Variants in ESR1 observed in about 807,000 individuals in gnomAD.
The protein encoded by ESR1 is estrogen receptor.
In ESR1, 12 loss-of-function variants were observed where a neutral mutation model predicts 52.7. The ratio of observed to expected loss-of-function variants is 0.23; its 90% CI spans 0.15 to 0.37. The LOEUF is 0.37. ESR1 is among the 10% of genes least tolerant of loss of function. The pLI, the probability that ESR1 is intolerant of heterozygous loss-of-function variation, is 1.00. For synonymous variants in ESR1, 305 were observed against 316.8 expected, an observed-to-expected ratio of 0.96 and a Z score of 0.39; for missense variants, 584 against 779.7, an observed-to-expected ratio of 0.75 and a Z score of 2.99.
intron 4 of ESR1, among the ~76,000 whole-genome samples, chr6:151,964,262 G>T (rs920851725): frequency 6.6e-6 from 1 of 152,078 alleles, no homozygotes; most frequent in Non-Finnish European, 1.5e-5. Flanking sequence ...ACTTTGGATA[G>T]CATAGATTTT....
intron 1 of ESR1, among the ~76,000 whole-genome samples, chr6:151,815,919 T>C (rs138769171): frequency 2.0e-5 from 3 of 152,184 alleles, no homozygotes; most frequent in Non-Finnish European, 2.9e-5. Flanking sequence ...TCCCTGTTGA[T>C]GATTTTGCTG....
chr6:152,126,073 G>A (rs2053315464), exon 7 of ESR1: 1 of 152,194 alleles, frequency 6.6e-6, no homozygotes, highest in South Asian at 2.1e-4. Flanking sequence ...CAGCATCAGA[G>A]CATTTTTTAT....
chr6:152,030,652 C>A (rs2044609288), intron 5 of ESR1, among the ~76,000 whole-genome samples: 1 of 152,238 alleles, frequency 6.6e-6, no homozygotes, highest in South Asian at 2.1e-4. Context: ...TCCTTAGTGA[C>A]CTACAAAGAG....
chr6:151,836,894 T>A (rs1783424042), intron 1 of ESR1, among the ~76,000 whole-genome samples: 1 of 152,190 alleles, frequency 6.6e-6, no homozygotes, highest in East Asian at 1.9e-4. Context: ...AACCAAGGCT[T>A]CTTAAATTTT....
intron 4 of ESR1, among the ~76,000 whole-genome samples, chr6:151,947,579 A>G (rs1326506274): frequency 6.6e-6 from 1 of 152,134 alleles, no homozygotes; most frequent in Admixed American, 6.5e-5. Flanking sequence ...TTAACAGAAT[A>G]TTGTCAGAAT....
intron 6 of ESR1, among the ~76,000 whole-genome samples, chr6:152,119,535 G>C (rs1585283236): frequency 1.3e-5 from 2 of 152,138 alleles, no homozygotes; most frequent in East Asian, 3.8e-4. Context: ...TTACCACCAT[G>C]TTATTAACCC....
chr6:152,076,707 A>G (rs1400504216), intron 6 of ESR1, among the ~76,000 whole-genome samples: 1 of 152,188 alleles, frequency 6.6e-6, no homozygotes, highest in African/African-American at 2.4e-5. Flanking sequence ...GAAGTGGAGC[A>G]AAGGTGACTC....
At position 151,777,419 on chromosome 6, in the gene ESR1, T is replaced by C. The variant is rs1413208246; in HGVS notation, c.-70-30424T>C. Among the ~76,000 whole-genome samples the C allele has an allele frequency of 2.0e-5, 3 of 152,180 alleles. No individual in the cohort carries two copies. The East Asian group carries it at 5.8e-4, about 29-fold the overall frequency. On this transcript the variant is annotated intron_variant, in intron 2 of 2. Coordinates refer to the ESR1 transcript ENST00000404742. ...CAGGTGTGAGCCACCGCACCTGGCCTATTTTCTATTTTTTAACCAGTCCCA... is the reference window on the plus strand; with the variant it reads ...CAGGTGTGAGCCACCGCACCTGGCCCATTTTCTATTTTTTAACCAGTCCCA...
chr6:151,802,537 G>A (rs57977903), upstream of ESR1, among the ~76,000 whole-genome samples: 441 of 152,282 alleles, frequency 2.9e-3, 6 homozygotes, highest in East Asian at 0.027. Flanking sequence ...AGCTATGTTT[G>A]GTCATAGTAT....
chr6:151,846,371 G>A (rs933322613), intron 2 of ESR1, among the ~76,000 whole-genome samples: 1 of 152,176 alleles, frequency 6.6e-6, no homozygotes, highest in Non-Finnish European at 1.5e-5. Context: ...ACCACAACAA[G>A]TTTAAGGGTT....
rs554725227 is a variant in ESR1, at chr6:151,912,482, A to G, written c.761-31691A>G. 3.3e-5 allele frequency among the ~76,000 whole-genome samples: 5 copies of G among 152,296 alleles called. No individual in the cohort carries two copies. The South Asian group carries it at 1.0e-3, about 32-fold the overall frequency. Reference sequence around the variant, plus strand: ...TCTCCTTTGCAATCCATATTGTTTTATGGAACAGGTGAACAGCTGGTGACA... The same window carrying G: ...TCTCCTTTGCAATCCATATTGTTTTGTGGAACAGGTGAACAGCTGGTGACA... On this transcript the variant is annotated intron_variant, in intron 3 of 7. Transcript: ENST00000206249.
rs149855024 is a variant in ESR1 at position 152,012,052 on chromosome 6, A to ACT, written c.1235+277_1235+278dup. Among the ~76,000 whole-genome samples the ACT allele has an allele frequency of 0.1, 15,001 of 143,282 alleles. 737 individuals carry two copies. The highest frequency in any genetic ancestry group is 0.13 in the Middle Eastern group (37 of 278). 94.0% of individuals were successfully genotyped at this position (143,282 alleles called of 152,430 possible). On this transcript the variant is annotated intron_variant, in intron 5 of 7. Transcript: ENST00000206249. Reference sequence around the variant, plus strand: ...CACACACACACACACACACACTCACACTCTCTCTCTCTCTCTCTCTGTCAT... The same window carrying ACT: ...CACACACACACACACACACACTCACACTCTCTCTCTCTCTCTCTCTCTGTCAT...
At chr6:151,661,406 G>A (rs1225048480) in intron 1 of ESR1, among the ~76,000 whole-genome samples, 3 of 152,232 alleles carry the variant, frequency 2.0e-5, no homozygotes, top group African/African-American at 7.2e-5. Flanking sequence ...ATCTCCTGGT[G>A]AGGGGTGGCT....
chr6:152,112,158 A>G (rs1047877125), intron 6 of ESR1, among the ~76,000 whole-genome samples: 1 of 152,222 alleles, frequency 6.6e-6, no homozygotes, highest in African/African-American at 2.4e-5. Flanking sequence ...GGCAGCAGAA[A>G]GACCTGAACC....
At chr6:151,759,163 T>G (rs1251177419) in intron 2 of ESR1, among the ~76,000 whole-genome samples, 1 of 148,076 alleles carries the variant, frequency 6.8e-6, no homozygotes, top group African/African-American at 2.5e-5. Flanking sequence ...TAGTCCCAGC[T>G]ACTCAAGAGG....
intron 6 of ESR1, among the ~76,000 whole-genome samples, chr6:152,078,181 C>T (rs74726355): frequency 7.9e-4 from 121 of 152,300 alleles, no homozygotes; most frequent in Middle Eastern, 6.8e-3. Context: ...GTAAGTCTCA[C>T]GAGATCTCAT....
chr6:151,802,845 G>A (rs1014250773), upstream of ESR1, among the ~76,000 whole-genome samples: 2 of 152,028 alleles, frequency 1.3e-5, no homozygotes, highest in Non-Finnish European at 2.9e-5. Context: ...AAAAAAATTA[G>A]CTGGGTGTGG....
intron 3 of ESR1, among the ~76,000 whole-genome samples, chr6:151,881,840 G>A (rs1026141560): frequency 1.3e-5 from 2 of 151,478 alleles, no homozygotes; most frequent in African/African-American, 2.4e-5. Flanking sequence ...CTGAGATGGC[G>A]CCACTGCACT....
chr6:151,681,285 G>A (rs913202250), intron 1 of ESR1, among the ~76,000 whole-genome samples: 21 of 152,156 alleles, frequency 1.4e-4, no homozygotes, highest in Admixed American at 5.9e-4. Flanking sequence ...TGTTTCTGGG[G>A]TTGCGCTGGA....
Sources: gnomAD v4.1 joint callset for allele counts (sites outside exome capture counted in the v4.1 genomes callset) on GRCh38, gnomAD v4.1.1 for gene constraint, MANE v1.5 for transcripts, NCBI Gene and HGNC (gene_info 2026-07-23, HGNC 2026-07-21) for gene names.